GLI1: variants seen among roughly 807,000 people sequenced by gnomAD.
GLI1 encodes the protein GLI family zinc finger 1.
Under a neutral mutation model 87.8 loss-of-function variants are expected in GLI1, and 51 were observed. The observed-to-expected ratio is 0.58, with a 90% confidence interval of 0.46 to 0.73. The LOEUF (loss-of-function observed/expected upper bound fraction) is 0.73. Among genes scored for constraint, GLI1 ranks in the 30% least tolerant of loss-of-function variants. The pLI is 0.00. For missense variants in GLI1, 1,292 were observed against 1,437.2 expected (o/e 0.90, Z 1.63); for synonymous variants, 528 against 558.2 (o/e 0.95, Z 0.76).
intron 1 of GLI1, among the ~76,000 whole-genome samples, chr12:57,463,444 A>T (rs1594741998): frequency 6.6e-6 from 1 of 151,714 alleles, no homozygotes; most frequent in Admixed American, 6.6e-5. Context: ...TCTTCAACTG[A>T]CCTCAGGTGA....
intron 4 of GLI1, 96 bp downstream of exon 4, chr12:57,464,964 T>C (rs1871378637): frequency 2.4e-6 from 3 of 1,244,804 alleles, no homozygotes; most frequent in Non-Finnish European, 3.5e-6. Flanking sequence ...TTTGAATCCT[T>C]GTCATTTCAA....
rs1168996924 is a variant in GLI1 at position 57,467,354 on chromosome 12, T to C, written c.934T>C (p.Tyr312His). ...KCTFEGCRKSYSRLENLKTHL... is the reference protein window; with the variant it reads ...KCTFEGCRKSHSRLENLKTHL... ...CCAGTTTGAAGGGTGCCGGAAGTCA[T>C]ACTCACGCCTCGAAAACCTGAAGAC... The change falls in exon 9 of 12, where the codon TAC becomes CAC. Residue 312 changes from tyrosine (Y) to histidine (H), a missense_variant. Tyr to His is a moderately conservative substitution (Grantham distance 83). Coordinates refer to ENST00000228682, the MANE Select transcript of GLI1 (RefSeq NM_005269.3). 6.2e-7 allele frequency: 1 copy of C among 1,610,554 alleles called. No homozygotes were observed. Among genetic ancestry groups the C allele is most frequent in the Admixed American group, 1.7e-5 (1 of 59,936 alleles).
Position 57,471,657 on chromosome 12 carries a change from A to C in GLI1, c.2917A>C (p.Asn973His). The C allele has an allele frequency of 1.2e-6, 2 of 1,611,840 alleles. No individual in the cohort carries two copies. The highest frequency in any genetic ancestry group is 1.7e-6 in the Non-Finnish European group (2 of 1,179,068). The change falls in exon 12 of 12, where the codon AAT (asparagine) becomes CAT (histidine). Residue 973 changes from asparagine to histidine, a missense_variant. Coordinates refer to ENST00000228682, the MANE Select transcript of GLI1 (RefSeq NM_005269.3). This position sits in a 1 kb window ranked among gnomAD's most constrained non-coding sequence, Gnocchi z 4.9. ...SYPTPSPCHE[N>H]FVVGANRASH... ...TCCCACCCCTTCACCATGCCATGAA[A>C]ATTTTGTAGTGGGGGCAAATAGGGC... is the stretch of plus-strand genomic sequence containing the variant.
chr12:57,465,904 C>A lies in GLI1; in HGVS notation c.741C>A (p.Asp247Glu), dbSNP rs867676131. ...CRWDGCSQEF[D>E]SQEQLVHHIN... ...GGGATGGCTGCAGCCAGGAATTTGA[C>A]TCCCAAGAGCAGCTGGTGCACGTGA... is the stretch of plus-strand genomic sequence containing the variant. The change falls in exon 7 of 12, where the codon GAC (aspartate) becomes GAA (glutamate). Residue 247 changes from aspartate (D) to glutamate (E), a missense_variant. By Grantham distance (45) the Asp-to-Glu change is conservative (BLOSUM62 2). Coordinates refer to ENST00000228682, the MANE Select transcript of GLI1 (RefSeq NM_005269.3). The A allele has an allele frequency of 6.2e-7, 1 of 1,614,030 alleles. No homozygotes were observed. Among genetic ancestry groups the A allele is most frequent in the Admixed American group, 1.7e-5 (1 of 60,020 alleles).
chr12:57,470,696 T>C lies in GLI1; in HGVS notation c.1956T>C (p.Ala652=), dbSNP rs1156610504. Residue 652 remains alanine, a synonymous_variant, in exon 12 of 12, where the codon GCT becomes GCC. Transcript: ENST00000228682. ...AGGCTGCTGACCGTCCTGCTCCAGCTAGAGTCCAGAGGTTCAAGAGCCTGG... is the reference window on the plus strand; with the variant it reads ...AGGCTGCTGACCGTCCTGCTCCAGCCAGAGTCCAGAGGTTCAAGAGCCTGG... ...PAQAADRPAP[A]RVQRFKSLGC... is the part of the protein sequence containing the mutation. 6.8e-6 allele frequency: 11 copies of C among 1,612,522 alleles called. No homozygotes were observed. Among genetic ancestry groups the C allele is most frequent in the African/African-American group, 1.3e-5 (1 of 75,044 alleles).
intron 10 of GLI1, 124 bp downstream of exon 10, chr12:57,468,348 T>C: frequency 1.5e-6 from 1 of 645,602 alleles, no homozygotes; most frequent in African/African-American, 1.8e-5. Context: ...AGTCTGCCTG[T>C]CTCTTGTCTT....
chr12:57,465,056 A>C, intron 4 of GLI1, 55 bp from the exon 5 acceptor site: 1 of 1,574,944 alleles, frequency 6.3e-7, no homozygotes, highest in Non-Finnish European at 8.7e-7. Flanking sequence ...CAAATAGCCC[A>C]ATCCTTCCTG....
At chr12:57,466,156 A>G in intron 7 of GLI1, 84 bp from the exon 8 acceptor site, 1 of 1,407,554 alleles carries the variant, frequency 7.1e-7, no homozygotes, top group Non-Finnish European at 9.8e-7. Context: ...GTCGTGGAAG[A>G]GGAACAGGGG....
In GLI1 at chr12:57,468,066, A is replaced by G; in HGVS notation, c.1150A>G (p.Lys384Glu). 6.2e-7 allele frequency: 1 copy of G among 1,614,194 alleles called. No homozygotes were observed. Among genetic ancestry groups the G allele is most frequent in the Non-Finnish European group, 8.5e-7 (1 of 1,180,024 alleles). The change falls in exon 10 of 12, where the codon AAG becomes GAG. Residue 384 changes from lysine to glutamate, a missense_variant. By Grantham distance (56) the Lys-to-Glu change is moderately conservative (BLOSUM62 1). Transcript: ENST00000228682. ...TCCTAGCTCGCTGCGAAAACATGTC[A>G]AGACAGTGCATGGTCCTGACGCCCA... is the stretch of plus-strand genomic sequence containing the variant. ...TDPSSLRKHV[K>E]TVHGPDAHVT...
intron 1 of GLI1, among the ~76,000 whole-genome samples, chr12:57,462,497 C>T (rs1332065307): frequency 6.7e-6 from 1 of 150,032 alleles, no homozygotes; most frequent in South Asian, 2.2e-4. Flanking sequence ...CTGGAAAACC[C>T]GGGATGGAGT....
Position 57,468,236 on chromosome 12 carries a change from C to A in GLI1, c.1308+12C>A. ...CAGAGGGTGCCATGGTGAGAGAGCC[C>A]AGGCAACCCTCACCTCCATACCCCA... On this transcript the variant is annotated intron_variant, in intron 10 of 11. Transcript: ENST00000228682. The A allele has an allele frequency of 6.3e-7, 1 of 1,581,242 alleles. No individual in the cohort carries two copies. The highest frequency in any genetic ancestry group is 1.1e-5 in the South Asian group (1 of 90,242).
intron 1 of GLI1, among the ~76,000 whole-genome samples, chr12:57,460,954 CGGGGCTGGGCGGGACCACTG>C (rs1871103172): frequency 6.6e-6 from 1 of 152,124 alleles, no homozygotes; most frequent in Non-Finnish European, 1.5e-5. Context: ...AGACCCCTAC[CGGGGCTGGGCGGGACCACTG>C]GCCACTGCCA....
chr12:57,462,781 G>A (rs569553849), intron 1 of GLI1, among the ~76,000 whole-genome samples: 43 of 152,200 alleles, frequency 2.8e-4, no homozygotes, highest in Non-Finnish European at 4.4e-4. Context: ...GAGGGCAGAT[G>A]GCTTGTGCTC....
At chr12:57,466,182 G>A (rs772319017) in intron 7 of GLI1, 58 bp from the exon 8 acceptor site, 9 of 1,561,670 alleles carry the variant, frequency 5.8e-6, no homozygotes, top group Non-Finnish European at 7.8e-6. Context: ...GGGAAGGTCT[G>A]TTCTGGACCT....
At chr12:57,460,953 C>G (rs1871102665) in intron 1 of GLI1, among the ~76,000 whole-genome samples, 1 of 152,144 alleles carries the variant, frequency 6.6e-6, no homozygotes, top group African/African-American at 2.4e-5. Context: ...GAGACCCCTA[C>G]CGGGGCTGGG....
In GLI1 at chr12:57,472,065, G is replaced by A. The variant is rs368262823; in HGVS notation, c.*4G>A. 4 of 1,477,290 alleles carry A rather than the reference G, an allele frequency of 2.7e-6. No individual in the cohort carries two copies. Among genetic ancestry groups the A allele is most frequent in the Non-Finnish European group, 3.6e-6 (4 of 1,107,992 alleles). The allele number at this position is 1,477,290 out of a possible 1,614,324, so 91.5% of individuals were successfully genotyped here. A position where few individuals can be genotyped will look rare whatever the true frequency, so the allele number is the denominator to read the frequency against. On this transcript the variant is annotated 3_prime_UTR_variant, in exon 12 of 12. Coordinates refer to ENST00000228682, the MANE Select transcript of GLI1 (RefSeq NM_005269.3). ...ATTCCTCAACTCTAGTGCCTAAAGA[G>A]TAGGGAATCTCATCCATCACAGATC...
chr12:57,463,736 G>A lies in GLI1; in HGVS notation c.45G>A (p.Glu15=). The part of the protein sequence containing the change: ...MTPPPISSYG[E]PCCLRPLPSQ... ...CACCACCAATCAGTAGCTATGGCGA[G>A]CCCTGCTGTCTCCGGCCCCTCCCCA... The change falls in exon 2 of 12, where the codon GAG becomes GAA. Residue 15 remains glutamate (E), a synonymous_variant. Coordinates refer to ENST00000228682, the MANE Select transcript of GLI1 (RefSeq NM_005269.3). The A allele has an allele frequency of 6.2e-7, 1 of 1,612,296 alleles. No homozygotes were observed. Among genetic ancestry groups the A allele is most frequent in the Non-Finnish European group, 8.5e-7 (1 of 1,179,678 alleles).
intron 9 of GLI1, 103 bp from the exon 10 acceptor site, chr12:57,467,891 G>A: frequency 1.3e-6 from 1 of 753,192 alleles, no homozygotes; most frequent in South Asian, 1.6e-5. Flanking sequence ...TTGGTGCTGT[G>A]TGCTCCTCCC....
intron 1 of GLI1, among the ~76,000 whole-genome samples, chr12:57,460,821 C>G (rs1871092170): frequency 6.6e-6 from 1 of 152,060 alleles, no homozygotes; most frequent in Non-Finnish European, 1.5e-5. Flanking sequence ...CTAGAATGAC[C>G]CCATGCAATT....
Sources: gnomAD v4.1 joint callset for allele counts (sites outside exome capture counted in the v4.1 genomes callset) on GRCh38, gnomAD v4.1.1 for gene constraint, Gnocchi (gnomAD v3.1) non-coding constraint, MANE v1.5 for transcripts, NCBI Gene and HGNC (gene_info 2026-07-23, HGNC 2026-07-21) for gene names.